The following CDK14 variants were observed in gnomAD, a reference collection of about 807,000 sequenced individuals.
CDK14 encodes cyclin dependent kinase 14.
CDK14 carries 34 observed loss-of-function variants against 60.7 expected under a neutral mutation model. The observed-to-expected ratio is 0.56, with a 90% CI of 0.43 to 0.75. The LOEUF (loss-of-function observed/expected upper bound fraction) is 0.75. Ranked by LOEUF, CDK14 falls within the 30% of genes least tolerant of loss-of-function variation. The probability of loss-of-function intolerance (pLI) is 0.00; values close to 1 mark genes in which losing one functional copy is unlikely to be tolerated. For missense variants in CDK14, 482 were observed against 564.1 expected, an observed-to-expected ratio of 0.85 and a Z score of 1.47; for synonymous variants, 197 against 203.7, an observed-to-expected ratio of 0.97 and a Z score of 0.28.
intron 10 of CDK14, among the ~76,000 whole-genome samples, chr7:90,988,993 T>TGTGCGTGA (rs1795455242): frequency 4.3e-5 from 2 of 46,786 alleles, no homozygotes; most frequent in Non-Finnish European, 4.6e-5. Context: ...TGAGTGTGTT[T>TGTGCGTGA]GTGTGTGAGT....
intron 10 of CDK14, among the ~76,000 whole-genome samples, chr7:91,001,372 A>G (rs916217017): frequency 6.6e-6 from 1 of 152,216 alleles, no homozygotes; most frequent in African/African-American, 2.4e-5. Flanking sequence ...CAGAATACGT[A>G]TCTTTGATAA....
chr7:90,772,957 A>G (rs1296777901), intron 4 of CDK14, among the ~76,000 whole-genome samples: 1 of 152,174 alleles, frequency 6.6e-6, no homozygotes, highest in African/African-American at 2.4e-5. Context: ...GAATAGTAAG[A>G]TTACTATTGG....
rs1325173547 is a variant in CDK14, at chr7:90,646,303, T to TC, written c.123+42054_123+42055insC. Among the ~76,000 whole-genome samples the TC allele has an allele frequency of 4.7e-5, 7 of 147,634 alleles. 1 individual carries two copies. The highest frequency in any genetic ancestry group is 1.5e-4 in the African/African-American group (6 of 40,556). On this transcript the variant is annotated intron_variant, in intron 2 of 14. Coordinates refer to ENST00000380050, the MANE Select transcript of CDK14 (RefSeq NM_001287135.2). ...GGCATACTGACAGTATGAAGGACTT[T>TC]TTTTTTTTTTTTTAATTCTGCTGGA...
intron 10 of CDK14, among the ~76,000 whole-genome samples, chr7:90,988,366 C>T (rs184972418): frequency 1.1e-3 from 167 of 152,240 alleles, no homozygotes; most frequent in African/African-American, 3.7e-3. Flanking sequence ...GAATTATATT[C>T]AAGACATTTT....
At position 90,596,540 on chromosome 7, in the gene CDK14, C is replaced by T. The variant is rs1048457597; in HGVS notation, c.-88C>T. ...CGAGGAGGTGGTGGAGGAGGAGGCG[C>T]CGCTTTCCCCGCGGCGCGCGCCCTC... On this transcript the variant is annotated 5_prime_UTR_variant, in exon 1 of 15. Transcript: ENST00000380050. 6.2e-6 allele frequency: 7 copies of T among 1,135,258 alleles called. No homozygotes were observed. Among genetic ancestry groups the T allele is most frequent in the African/African-American group, 1.5e-5 (1 of 64,794 alleles). The allele number at this position is 1,135,258 out of a possible 1,614,324, so 70.3% of individuals were successfully genotyped here.
chr7:90,738,525 C>T (rs542071838), intron 3 of CDK14, among the ~76,000 whole-genome samples: 12 of 152,280 alleles, frequency 7.9e-5, no homozygotes, highest in South Asian at 2.1e-4. Flanking sequence ...AGATAATTGA[C>T]GGTTCTCTAT....
chr7:90,666,896 AT>A (rs1377559257), intron 2 of CDK14, among the ~76,000 whole-genome samples: 2 of 152,228 alleles, frequency 1.3e-5, no homozygotes, highest in African/African-American at 4.8e-5. Flanking sequence ...ATAATTTTTT[AT>A]TTGAAAATTT....
chr7:91,084,828 C>T (rs1421275789), intron 12 of CDK14, among the ~76,000 whole-genome samples: 1 of 152,202 alleles, frequency 6.6e-6, no homozygotes, highest in African/African-American at 2.4e-5. Flanking sequence ...TTGGACTCCT[C>T]ATCCAAAAGT....
In CDK14 at chr7:90,596,670, A is replaced by G; in HGVS notation, c.43A>G (p.Lys15Glu). The change falls in exon 1 of 15, where the codon AAG (lysine) becomes GAG (glutamate). Residue 15 changes from lysine (K) to glutamate (E), a missense_variant. By Grantham distance (56) the Lys-to-Glu change is moderately conservative (BLOSUM62 1). Coordinates refer to ENST00000380050, the MANE Select transcript of CDK14 (RefSeq NM_001287135.2). Reference sequence around the variant, plus strand: ...GCCGCAGCCGGCCGAGAAGATCGGCAAGATGAAGAAGTTGCGGAGAACTTT... The same window carrying G: ...GCCGCAGCCGGCCGAGAAGATCGGCGAGATGAAGAAGTTGCGGAGAACTTT... The part of the protein sequence containing the change: ...IEPQPAEKIG[K>E]MKKLRRTLSE... 1.9e-6 allele frequency: 3 copies of G among 1,612,124 alleles called. No individual in the cohort carries two copies. The highest frequency in any genetic ancestry group is 2.5e-6 in the Non-Finnish European group (3 of 1,179,434).
chr7:90,650,476 G>A (rs1265220947), intron 2 of CDK14, among the ~76,000 whole-genome samples: 5 of 152,150 alleles, frequency 3.3e-5, no homozygotes, highest in Admixed American at 6.5e-5. Context: ...GATCCCATTT[G>A]TCAATTTTGG....
intron 2 of CDK14, among the ~76,000 whole-genome samples, chr7:90,615,228 C>G (rs1301452079): frequency 6.6e-6 from 1 of 152,160 alleles, no homozygotes. Flanking sequence ...ATGCATCAGG[C>G]AAGTACTTAT....
chr7:91,182,564 T>A (rs1473979784), intron 14 of CDK14, among the ~76,000 whole-genome samples: 6 of 151,950 alleles, frequency 3.9e-5, no homozygotes, highest in Admixed American at 3.3e-4. Context: ...TTTAAAAAAA[T>A]AGGATATATA....
chr7:91,173,452 G>A lies in CDK14; in HGVS notation c.*29-33713G>A, dbSNP rs562353490. ...CTTAAAAAAAAAAAGGTGGGGAGGAGCCAAGATGGCCGAATAGGAACAGCT... is the reference window on the plus strand; with the variant it reads ...CTTAAAAAAAAAAAGGTGGGGAGGAACCAAGATGGCCGAATAGGAACAGCT... On this transcript the variant is annotated intron_variant, in intron 14 of 14. Coordinates refer to ENST00000380050, the MANE Select transcript of CDK14 (RefSeq NM_001287135.2). Among the ~76,000 whole-genome samples the A allele has an allele frequency of 3.3e-5, 5 of 151,442 alleles. No individual in the cohort carries two copies. In the East Asian group the frequency reaches 5.8e-4, roughly 18 times the overall value.
intron 2 of CDK14, among the ~76,000 whole-genome samples, chr7:90,704,818 T>C (rs117746879): frequency 0.017 from 2,619 of 152,182 alleles, 39 homozygotes; most frequent in Non-Finnish European, 0.023. Flanking sequence ...TCACGGTGTT[T>C]TGGGAAAGTA....
At chr7:91,018,023 G>A (rs957726352) in intron 10 of CDK14, among the ~76,000 whole-genome samples, 2 of 152,214 alleles carry the variant, frequency 1.3e-5, no homozygotes, top group South Asian at 4.1e-4. Flanking sequence ...AGGCATGGGG[G>A]ACAGTGGTAT....
At chr7:91,116,742 A>C (rs1203127133) in intron 13 of CDK14, among the ~76,000 whole-genome samples, 1 of 152,076 alleles carries the variant, frequency 6.6e-6, no homozygotes, top group Non-Finnish European at 1.5e-5. Context: ...CGAAGATTCA[A>C]CACAATTGAC....
intron 10 of CDK14, among the ~76,000 whole-genome samples, chr7:91,030,036 C>A (rs1796716388): frequency 6.6e-6 from 1 of 152,104 alleles, no homozygotes; most frequent in Non-Finnish European, 1.5e-5. Context: ...TATATTTTTC[C>A]ATACTTGTAT....
At chr7:90,607,902 A>G (rs1462616652) in intron 2 of CDK14, among the ~76,000 whole-genome samples, 1 of 152,168 alleles carries the variant, frequency 6.6e-6, no homozygotes, top group Non-Finnish European at 1.5e-5. Flanking sequence ...GTAAAATTTT[A>G]TTAGTTTCAG....
chr7:91,079,416 T>C lies in CDK14; in HGVS notation c.1106-16T>C. The C allele has an allele frequency of 6.5e-7, 1 of 1,536,180 alleles. No homozygotes were observed. The highest frequency in any genetic ancestry group is 8.9e-7 in the Non-Finnish European group (1 of 1,122,022). On this transcript the variant is annotated splice_polypyrimidine_tract_variant and intron_variant, in intron 11 of 14. Coordinates refer to ENST00000380050, the MANE Select transcript of CDK14 (RefSeq NM_001287135.2). ...TTGATACAAAGATTGTTTATCATTT[T>C]TCTTTTTTATTTCAGAACGCTTTAC...
Sources: allele counts gnomAD v4.1 joint callset (sites outside exome capture counted in the v4.1 genomes callset), GRCh38; gene constraint gnomAD v4.1.1; transcripts MANE v1.5; gene names NCBI Gene and HGNC (gene_info 2026-07-23, HGNC 2026-07-21).